Variants in RBM11 observed in about 807,000 individuals in gnomAD.
RBM11 encodes splicing regulator RBM11.
RBM11 carries 18 observed loss-of-function variants against 21.4 expected under a neutral mutation model. The ratio of observed to expected loss-of-function variants is 0.84; its 90% CI spans 0.58 to 1.25. RBM11 has a LOEUF of 1.25. Among genes scored for constraint, RBM11 ranks in the 50% most tolerant of loss-of-function variants. The probability of loss-of-function intolerance (pLI) is 0.00; values close to 1 mark genes in which losing one functional copy is unlikely to be tolerated. For missense variants in RBM11, 294 were observed against 331.9 expected (o/e 0.89, Z 0.89); for synonymous variants, 120 against 116.3 (o/e 1.03, Z -0.20).
chr21:14,218,177 CT>C (rs971736764), intron 1 of RBM11, among the ~76,000 whole-genome samples: 4 of 148,388 alleles, frequency 2.7e-5, no homozygotes, highest in African/African-American at 1.0e-4. Flanking sequence ...TTCATGTTGA[CT>C]TTTATCTTTA....
At chr21:14,222,052 G>A (rs116856326) in intron 3 of RBM11, among the ~76,000 whole-genome samples, 1,899 of 152,040 alleles carry the variant, frequency 0.012, 19 homozygotes, top group Middle Eastern at 0.02. Flanking sequence ...AAAACAATCC[G>A]TTCTTGCAAA....
At chr21:14,222,553 C>G (rs995534067) in intron 3 of RBM11, among the ~76,000 whole-genome samples, 2 of 152,110 alleles carry the variant, frequency 1.3e-5, no homozygotes, top group African/African-American at 2.4e-5. Flanking sequence ...TTATTGCACC[C>G]CAGATAAAAC....
chr21:14,216,536 T>C (rs1009850745), intron 1 of RBM11, among the ~76,000 whole-genome samples: 4 of 152,104 alleles, frequency 2.6e-5, no homozygotes, highest in African/African-American at 9.7e-5. Flanking sequence ...CCGTTTCTGA[T>C]TAAGGGCTTC....
chr21:14,226,143 G>A (rs1454909787), intron 4 of RBM11, among the ~76,000 whole-genome samples: 1 of 151,838 alleles, frequency 6.6e-6, no homozygotes, highest in African/African-American at 2.4e-5. Context: ...GATATGCCAT[G>A]AGTATAAAAT....
intron 1 of RBM11, among the ~76,000 whole-genome samples, chr21:14,219,123 CAG>C (rs758318827): frequency 2.0e-5 from 3 of 152,140 alleles, no homozygotes; most frequent in Non-Finnish European, 4.4e-5. Flanking sequence ...ATCTTCATGA[CAG>C]AAAATTTAAA....
At chr21:14,222,244 AG>A (rs1978734086) in intron 3 of RBM11, among the ~76,000 whole-genome samples, 1 of 152,088 alleles carries the variant, frequency 6.6e-6, no homozygotes, top group Non-Finnish European at 1.5e-5. Context: ...CTATATATAG[AG>A]GAGAGGAATA....
chr21:14,217,657 C>A (rs1370762347), intron 1 of RBM11, among the ~76,000 whole-genome samples: 2 of 151,980 alleles, frequency 1.3e-5, no homozygotes, highest in Admixed American at 6.6e-5. Context: ...AAACTTGCCT[C>A]CTTTTTTATG....
intron 4 of RBM11, 34 bp downstream of exon 4, chr21:14,224,571 T>C (rs1568900742): frequency 6.6e-7 from 1 of 1,523,224 alleles, no homozygotes; most frequent in Admixed American, 2.2e-5. Flanking sequence ...TAGTATATAA[T>C]ATGATACAAA....
intron 4 of RBM11, 129 bp from the exon 5 acceptor site, chr21:14,226,751 T>C: frequency 7.9e-7 from 1 of 1,260,570 alleles, no homozygotes; most frequent in Non-Finnish European, 1.1e-6. Flanking sequence ...CTATGAGAGG[T>C]CACTGTCTTT....
At chr21:14,219,499 T>A (rs1482570952) in intron 1 of RBM11, 64 bp from the exon 2 acceptor site, 2 of 1,245,754 alleles carry the variant, frequency 1.6e-6, no homozygotes, top group Admixed American at 6.0e-5. Context: ...AAGTTGAATT[T>A]ACTTATTTGA....
intron 2 of RBM11, 79 bp downstream of exon 2, chr21:14,219,804 A>G: frequency 7.7e-7 from 1 of 1,302,314 alleles, no homozygotes; most frequent in Non-Finnish European, 1.0e-6. Flanking sequence ...TTTGTTTCCT[A>G]TGTAGTATAA....
In RBM11 at chr21:14,216,416, G is replaced by T. The variant is rs900445779; in HGVS notation, c.96+134G>T. On this transcript the variant is annotated intron_variant, in intron 1 of 4. Transcript: ENST00000400577. ...GGGGTTTTAATTTCGTTTCCTCTTG[G>T]CGCACCTGTCTCCAGGTGAGCGGCT... The T allele has an allele frequency of 1.5e-4, 108 of 699,168 alleles. No individual in the cohort carries two copies. In the African/African-American group the frequency reaches 1.6e-3, roughly 10 times the overall value. The allele number at this position is 699,168 out of a possible 1,614,324, so 43.3% of individuals were successfully genotyped here. A position where few individuals can be genotyped will look rare whatever the true frequency, so the allele number is the denominator to read the frequency against.
chr21:14,227,007 A>G lies in RBM11; in HGVS notation c.560A>G (p.Tyr187Cys). 1.2e-6 allele frequency: 2 copies of G among 1,613,850 alleles called. No homozygotes were observed. Among genetic ancestry groups the G allele is most frequent in the South Asian group, 1.1e-5 (1 of 91,044 alleles). Residue 187 changes from tyrosine to cysteine, a missense_variant, in exon 5 of 5, where the codon TAT (tyrosine) becomes TGT (cysteine). Tyr to Cys is a radical substitution (Grantham distance 194, BLOSUM62 -2). Coordinates refer to ENST00000400577, the MANE Select transcript of RBM11 (RefSeq NM_144770.5). ...VPDLEAGPSSYKWTHQQPSDS... is the reference protein window; with the variant it reads ...VPDLEAGPSSCKWTHQQPSDS... ...GATCTTGAGGCTGGACCCAGCTCAT[A>G]TAAATGGACTCACCAACAACCAAGT...
rs1182642924 is a variant in RBM11, at chr21:14,224,509, C to T, written c.404C>T (p.Pro135Leu). Residue 135 changes from proline to leucine, a missense_variant, in exon 4 of 5, where the codon CCT becomes CTT. Around this residue, in one of 2 missense-constraint regions of RBM11, gnomAD observed 181 missense variants for 164.6 expected, o/e 1.10. Coordinates refer to ENST00000400577, the MANE Select transcript of RBM11 (RefSeq NM_144770.5). Reference protein sequence around the residue: ...QYFPINNTSLPQEYFLFQKMQ... With the variant: ...QYFPINNTSLLQEYFLFQKMQ... Reference sequence around the variant, plus strand: ...TTTCCAATTAATAATACTTCTTTACCTCAAGAATATTTTCTCTTTCAGAAG... The same window carrying T: ...TTTCCAATTAATAATACTTCTTTACTTCAAGAATATTTTCTCTTTCAGAAG... The T allele has an allele frequency of 6.4e-7, 1 of 1,555,008 alleles. No individual in the cohort carries two copies.
chr21:14,220,243 A>G (rs918218025), intron 2 of RBM11, among the ~76,000 whole-genome samples: 12 of 152,182 alleles, frequency 7.9e-5, no homozygotes, highest in Admixed American at 3.9e-4. Flanking sequence ...AGTGGCGGAA[A>G]AAACTTCCTG....
In RBM11 at chr21:14,219,571, A is replaced by G. The variant is rs765463921; in HGVS notation, c.105A>G (p.Pro35=). 14 of 1,514,690 alleles carry G rather than the reference A, an allele frequency of 9.2e-6. No individual in the cohort carries two copies. Among genetic ancestry groups the G allele is most frequent in the Admixed American group, 4.1e-5 (2 of 49,034 alleles). The allele number at this position is 1,514,690 out of a possible 1,614,324, so 93.8% of individuals were successfully genotyped here. The change falls in exon 2 of 5, where the codon CCA becomes CCG. Residue 35 remains proline, a synonymous_variant. Transcript: ENST00000400577. ...ILYELFLQAG[P]LTKVTICKDR... is the part of the protein sequence containing the mutation. ...TTTTAAGTTTCTTATAGGCGGGGCCACTAACCAAAGTGACTATATGCAAAG... is the reference window on the plus strand; with the variant it reads ...TTTTAAGTTTCTTATAGGCGGGGCCGCTAACCAAAGTGACTATATGCAAAG...
At position 14,224,527 on chromosome 21, in the gene RBM11, T is replaced by C; in HGVS notation, c.422T>C (p.Phe141Ser). 6.5e-7 allele frequency: 1 copy of C among 1,549,728 alleles called. No individual in the cohort carries two copies. The highest frequency in any genetic ancestry group is 8.7e-7 in the Non-Finnish European group (1 of 1,146,932). Reference sequence around the variant, plus strand: ...TCTTTACCTCAAGAATATTTTCTCTTTCAGAAGATGGTAAGTTTAATATGC... The same window carrying C: ...TCTTTACCTCAAGAATATTTTCTCTCTCAGAAGATGGTAAGTTTAATATGC... ...NTSLPQEYFL[F>S]QKMQWHVYNP... is the part of the protein sequence containing the mutation. The change falls in exon 4 of 5, where the codon TTT becomes TCT. Residue 141 changes from phenylalanine (F) to serine (S), a missense_variant. Transcript: ENST00000400577.
chr21:14,226,712 G>A, intron 4 of RBM11, 168 bp from the exon 5 acceptor site: 1 of 815,578 alleles, frequency 1.2e-6, no homozygotes, highest in South Asian at 1.9e-5. Context: ...TCTTTATATT[G>A]ACCCTTTAAT....
chr21:14,224,619 C>T lies in RBM11; in HGVS notation c.432+82C>T, dbSNP rs1978947061. On this transcript the variant is annotated intron_variant, in intron 4 of 4. Transcript: ENST00000400577. ...TAAAGGCTATTTGTAACATATGGTG[C>T]CCAAATCTAAACTGGGATGAAGGCA... 8.2e-6 allele frequency: 12 copies of T among 1,463,064 alleles called. No individual in the cohort carries two copies. The South Asian group carries it at 1.7e-4, about 21-fold the overall frequency. 90.6% of individuals were successfully genotyped at this position (1,463,064 alleles called of 1,614,324 possible). A position where few individuals can be genotyped will look rare whatever the true frequency, so the allele number is the denominator to read the frequency against.
Sources: allele counts gnomAD v4.1 joint callset (sites outside exome capture counted in the v4.1 genomes callset), GRCh38; gene constraint gnomAD v4.1.1; regional missense constraint gnomAD v4.1.1; transcripts MANE v1.5; gene names NCBI Gene and HGNC (gene_info 2026-07-23, HGNC 2026-07-21).